Variants in PTPRK observed in about 807,000 individuals in gnomAD.
PTPRK encodes receptor-type tyrosine-protein phosphatase kappa.
Under a neutral mutation model 178.0 loss-of-function variants are expected in PTPRK, and 75 were observed. The ratio of observed to expected loss-of-function variants is 0.42; its 90% CI spans 0.35 to 0.51. The LOEUF (loss-of-function observed/expected upper bound fraction) is 0.51. PTPRK is among the 20% of genes least tolerant of loss of function. The pLI is 0.02. For synonymous variants in PTPRK, 637 were observed against 620.6 expected (o/e 1.03, Z -0.39); for missense variants, 1,441 against 1,797.8 (o/e 0.80, Z 3.59).
chr6:128,371,077 GA>G (rs1408817040), intron 2 of PTPRK, among the ~76,000 whole-genome samples: 2 of 151,952 alleles, frequency 1.3e-5, no homozygotes, highest in African/African-American at 4.8e-5. Context: ...TGAATACAGA[GA>G]AATACTAGGA....
At chr6:128,311,617 G>A (rs1003287730) in intron 3 of PTPRK, among the ~76,000 whole-genome samples, 3 of 151,942 alleles carry the variant, frequency 2.0e-5, no homozygotes, top group African/African-American at 7.2e-5. Flanking sequence ...GAAACCTCAA[G>A]TGCCTTTTAC....
chr6:128,476,840 A>G (rs1013828506), intron 1 of PTPRK, among the ~76,000 whole-genome samples: 1 of 151,962 alleles, frequency 6.6e-6, no homozygotes, highest in African/African-American at 2.4e-5. Context: ...TAAGGTCTAG[A>G]TGATGACAAA....
At chr6:128,194,102 A>T (rs7758900) in intron 6 of PTPRK, among the ~76,000 whole-genome samples, 9,510 of 145,530 alleles carry the variant, frequency 0.065, 642 homozygotes, top group African/African-American at 0.17. Flanking sequence ...TATTATTATT[A>T]GGAAACGGAG....
At chr6:128,070,408 G>A (rs1482107752) in intron 11 of PTPRK, among the ~76,000 whole-genome samples, 3 of 151,942 alleles carry the variant, frequency 2.0e-5, no homozygotes, top group Non-Finnish European at 4.4e-5. Context: ...TTTAGAAGAG[G>A]GGCCCTCACC....
At chr6:128,476,033 C>A (rs1851332326) in intron 1 of PTPRK, among the ~76,000 whole-genome samples, 1 of 152,122 alleles carries the variant, frequency 6.6e-6, no homozygotes, top group Non-Finnish European at 1.5e-5. Context: ...GGATATCTTA[C>A]CAAAACAAGT....
At chr6:128,383,996 T>G (rs1022785236) in intron 2 of PTPRK, among the ~76,000 whole-genome samples, 1 of 152,202 alleles carries the variant, frequency 6.6e-6, no homozygotes, top group African/African-American at 2.4e-5. Flanking sequence ...ACCCAAATGC[T>G]TTATACAGCT....
chr6:128,491,528 T>C (rs1853772306), intron 1 of PTPRK, among the ~76,000 whole-genome samples: 1 of 152,182 alleles, frequency 6.6e-6, no homozygotes, highest in African/African-American at 2.4e-5. Context: ...CTCCGGTGTA[T>C]CCACACTTGG....
intron 13 of PTPRK, among the ~76,000 whole-genome samples, chr6:128,058,640 G>T (rs1344563143): frequency 6.6e-6 from 1 of 151,970 alleles, no homozygotes; most frequent in Non-Finnish European, 1.5e-5. Flanking sequence ...GAGGTCTTAA[G>T]TAGAATTTAT....
intron 2 of PTPRK, among the ~76,000 whole-genome samples, chr6:128,339,498 T>G (rs993778316): frequency 3.3e-5 from 5 of 152,282 alleles, no homozygotes; most frequent in Non-Finnish European, 7.4e-5. Flanking sequence ...ATATTTATCC[T>G]GATCAGCATT....
chr6:128,107,940 T>C (rs948951900), intron 7 of PTPRK, among the ~76,000 whole-genome samples: 1 of 152,130 alleles, frequency 6.6e-6, no homozygotes, highest in African/African-American at 2.4e-5. Context: ...TAATCATATT[T>C]CTTTTCATTT....
intron 6 of PTPRK, among the ~76,000 whole-genome samples, chr6:128,199,161 A>C (rs1168337898): frequency 6.6e-6 from 1 of 152,220 alleles, no homozygotes; most frequent in East Asian, 1.9e-4. Context: ...GAAAAGTCAT[A>C]TAGTAGTATA....
intron 5 of PTPRK, among the ~76,000 whole-genome samples, chr6:128,220,946 A>G (rs2128273096): frequency 6.6e-6 from 1 of 152,318 alleles, no homozygotes; most frequent in Middle Eastern, 3.4e-3. Flanking sequence ...TAGCAACTTC[A>G]GTTTATCAGT....
Position 128,315,448 on chromosome 6 carries a change from T to C in PTPRK, c.495+6591A>G, listed in dbSNP as rs10457507. Among the ~76,000 whole-genome samples, 758 of 152,210 alleles carry C rather than the reference T, an allele frequency of 5.0e-3. 5 individuals carry two copies. The highest frequency in any genetic ancestry group is 0.02 in the South Asian group (98 of 4,828). Reference sequence around the variant, plus strand: ...TCTAATTCTCATAAGGGAATTCCAGTGGTGTGTGCAATGATTATTTATAAC... The same window carrying C: ...TCTAATTCTCATAAGGGAATTCCAGCGGTGTGTGCAATGATTATTTATAAC... On this transcript the variant is annotated intron_variant, in intron 3 of 29. Coordinates refer to ENST00000368226, the MANE Select transcript of PTPRK (RefSeq NM_002844.4).
intron 13 of PTPRK, among the ~76,000 whole-genome samples, chr6:128,059,353 A>G (rs1780436959): frequency 6.6e-6 from 1 of 152,156 alleles, no homozygotes; most frequent in Admixed American, 6.6e-5. Context: ...GATGTAATCT[A>G]TCTTTCACCA....
At chr6:128,009,332 C>T (rs780956170) in intron 13 of PTPRK, 64 bp from the exon 14 acceptor site, 203 of 1,475,592 alleles carry the variant, frequency 1.4e-4, no homozygotes, top group Non-Finnish European at 1.7e-4. Context: ...AAAAATTATT[C>T]CCAGTAATTA....
chr6:128,126,809 A>T (rs118177864), intron 7 of PTPRK, among the ~76,000 whole-genome samples: 3,855 of 152,324 alleles, frequency 0.025, 75 homozygotes, highest in Middle Eastern at 0.095. Context: ...ATTTTGAATC[A>T]ATTAGGTAAG....
chr6:128,507,324 T>A, intron 1 of PTPRK, among the ~76,000 whole-genome samples: 1 of 152,166 alleles, frequency 6.6e-6, no homozygotes, highest in East Asian at 1.9e-4. Context: ...AGGAAAAATT[T>A]ACACTTCTCC....
At chr6:128,459,734 C>G (rs1848800236) in intron 1 of PTPRK, among the ~76,000 whole-genome samples, 1 of 152,066 alleles carries the variant, frequency 6.6e-6, no homozygotes, top group South Asian at 2.1e-4. Context: ...AACAGTTGTC[C>G]ATAATTAATG....
chr6:128,274,232 T>A (rs1472582083), intron 3 of PTPRK, among the ~76,000 whole-genome samples: 1 of 152,318 alleles, frequency 6.6e-6, no homozygotes, highest in East Asian at 1.9e-4. Context: ...TGCTTTGTTG[T>A]TACTGCCTTA....
Sources: gnomAD v4.1 joint callset for allele counts (sites outside exome capture counted in the v4.1 genomes callset) on GRCh38, gnomAD v4.1.1 for gene constraint, MANE v1.5 for transcripts, NCBI Gene and HGNC (gene_info 2026-07-23, HGNC 2026-07-21) for gene names.